PDE9A: variants seen among roughly 807,000 people sequenced by gnomAD.
PDE9A encodes high affinity cGMP-specific 3',5'-cyclic phosphodiesterase 9A.
PDE9A carries 60 observed loss-of-function variants against 87.4 expected under a neutral mutation model. The ratio of observed to expected loss-of-function variants is 0.69; its 90% CI spans 0.56 to 0.85. The LOEUF (loss-of-function observed/expected upper bound fraction) is 0.85, where lower values mean the gene tolerates loss of function less well. Among genes scored for constraint, PDE9A ranks in the 40% least tolerant of loss-of-function variants. PDE9A has a pLI of 0.00. For missense variants in PDE9A, 665 were observed against 779.0 expected, an observed-to-expected ratio of 0.85 and a Z score of 1.74; for synonymous variants, 272 against 279.4, an observed-to-expected ratio of 0.97 and a Z score of 0.27.
chr21:42,749,855 G>C (rs967036057), intron 8 of PDE9A, among the ~76,000 whole-genome samples: 1 of 152,226 alleles, frequency 6.6e-6, no homozygotes, highest in Non-Finnish European at 1.5e-5. Flanking sequence ...AAGTACAAAG[G>C]GGCTGGGCGC....
chr21:42,709,887 C>T (rs143591067), intron 4 of PDE9A, among the ~76,000 whole-genome samples: 132 of 152,298 alleles, frequency 8.7e-4, no homozygotes, highest in African/African-American at 2.9e-3. Context: ...AAGATCCATT[C>T]GTGCAGTTAT....
At chr21:42,683,626 T>G (rs13047502) in intron 1 of PDE9A, among the ~76,000 whole-genome samples, 3,674 of 152,316 alleles carry the variant, frequency 0.024, 72 homozygotes, top group South Asian at 0.048. Context: ...CCCAGGCCCA[T>G]GAGCCTGTTG....
intron 19 of PDE9A, among the ~76,000 whole-genome samples, chr21:42,774,972 C>T (rs1269405344): frequency 5.3e-5 from 8 of 149,978 alleles, no homozygotes; most frequent in Admixed American, 4.6e-4. Flanking sequence ...GACGGAGTCT[C>T]GCTCTGTTGC....
At chr21:42,766,398 C>A (rs1482971779) in intron 15 of PDE9A, among the ~76,000 whole-genome samples, 2 of 152,080 alleles carry the variant, frequency 1.3e-5, no homozygotes, top group Admixed American at 6.5e-5. Flanking sequence ...TTTTGTGGAG[C>A]CTTGTCTAAG....
chr21:42,731,633 G>A (rs1013908339), intron 4 of PDE9A, 137 bp from the exon 5 acceptor site: 4 of 887,780 alleles, frequency 4.5e-6, no homozygotes, highest in African/African-American at 1.7e-5. Context: ...GTGCAGACCC[G>A]CCGTGAGAAC....
At chr21:42,747,637 G>C (rs2054002212) in intron 8 of PDE9A, among the ~76,000 whole-genome samples, 1 of 152,248 alleles carries the variant, frequency 6.6e-6, no homozygotes, top group African/African-American at 2.4e-5. Context: ...CCTCAAAGAG[G>C]ACAGAGGTCC....
chr21:42,664,225 G>C (rs1242536991), intron 1 of PDE9A, among the ~76,000 whole-genome samples: 1 of 152,272 alleles, frequency 6.6e-6, no homozygotes, highest in East Asian at 1.9e-4. Flanking sequence ...GGGAGTCTTT[G>C]TGTTCGGCTC....
At chr21:42,690,646 C>T (rs1219631885) in intron 3 of PDE9A, among the ~76,000 whole-genome samples, 1 of 152,088 alleles carries the variant, frequency 6.6e-6, no homozygotes, top group Non-Finnish European at 1.5e-5. Context: ...CCCTCTGCCA[C>T]TGTTAGGTCC....
intron 16 of PDE9A, chr21:42,768,689 G>A (rs1357439406): frequency 1.0e-6 from 1 of 985,358 alleles, no homozygotes; most frequent in Admixed American, 6.1e-5. Flanking sequence ...AGAAAACCAA[G>A]CCAGCTGAAA....
rs369605541 is a variant in PDE9A at position 42,705,264 on chromosome 21, C to T, written c.262+6253C>T. On this transcript the variant is annotated intron_variant, in intron 4 of 19. Coordinates refer to ENST00000291539, the MANE Select transcript of PDE9A (RefSeq NM_002606.3). This position sits in a 1 kb window ranked among gnomAD's most constrained non-coding sequence, Gnocchi z 4.3. Reference sequence around the variant, plus strand: ...AAGGTAATAGCAACTACAAAAACCACGACACAGGCTTCTCAGCATCTTTTT... The same window carrying T: ...AAGGTAATAGCAACTACAAAAACCATGACACAGGCTTCTCAGCATCTTTTT... 1.6e-4 allele frequency among the ~76,000 whole-genome samples: 24 copies of T among 152,366 alleles called. No individual in the cohort carries two copies. The East Asian group carries it at 2.7e-3, about 17-fold the overall frequency.
intron 9 of PDE9A, among the ~76,000 whole-genome samples, chr21:42,753,432 G>A (rs1602473859): frequency 6.6e-6 from 1 of 152,268 alleles, no homozygotes; most frequent in East Asian, 1.9e-4. Flanking sequence ...GCGAGATATG[G>A]AACATTTCTG....
rs147111732 is a variant in PDE9A, at chr21:42,768,729, G to A, written c.1462-298G>A. The A allele has an allele frequency of 9.2e-3, 9,095 of 985,440 alleles. 58 individuals carry two copies. Among genetic ancestry groups the A allele is most frequent in the Non-Finnish European group, 0.01 (8,520 of 829,916 alleles). The allele number at this position is 985,440 out of a possible 1,614,324, so 61.0% of individuals were successfully genotyped here. ...CCACCAAATATTAATACAACAGCTT[G>A]ATGAACCCTAGGAGAAGTCGGGAGG... On this transcript the variant is annotated intron_variant, in intron 16 of 19. Coordinates refer to ENST00000291539, the MANE Select transcript of PDE9A (RefSeq NM_002606.3).
At chr21:42,728,451 G>A (rs185545289) in intron 4 of PDE9A, among the ~76,000 whole-genome samples, 1 of 152,300 alleles carries the variant, frequency 6.6e-6, no homozygotes, top group African/African-American at 2.4e-5. Context: ...TAGTTAATAT[G>A]ATCATGTAAT....
intron 8 of PDE9A, among the ~76,000 whole-genome samples, chr21:42,748,158 C>T (rs571721708): frequency 2.0e-4 from 31 of 152,290 alleles, no homozygotes; most frequent in African/African-American, 7.2e-4. Context: ...AGCACATGTG[C>T]GAATGTTTAC....
intron 16 of PDE9A, 142 bp downstream of exon 16, chr21:42,768,434 G>A: frequency 1.9e-6 from 2 of 1,062,356 alleles, no homozygotes; most frequent in East Asian, 5.3e-5. Flanking sequence ...AGCCTTCAGG[G>A]TAAGCGTACA....
intron 8 of PDE9A, among the ~76,000 whole-genome samples, chr21:42,747,174 G>A (rs1018101310): frequency 1.3e-5 from 2 of 152,194 alleles, no homozygotes; most frequent in South Asian, 2.1e-4. Context: ...TGAGATATTC[G>A]TGTTGTCCCT....
At chr21:42,732,475 TAGG>T (rs2051906391) in intron 6 of PDE9A, among the ~76,000 whole-genome samples, 1 of 152,232 alleles carries the variant, frequency 6.6e-6, no homozygotes, top group Non-Finnish European at 1.5e-5. Context: ...TCTGTGTAGT[TAGG>T]AGACTTCCTT....
rs996451591 is a variant in PDE9A at position 42,767,546 on chromosome 21, T to A, written c.1357-642T>A. ...ATGCAGACTCCGAGCTGAACTGAGCTGCTCCTCACCTAGTCACGTTCCCCA... is the reference window on the plus strand; with the variant it reads ...ATGCAGACTCCGAGCTGAACTGAGCAGCTCCTCACCTAGTCACGTTCCCCA... On this transcript the variant is annotated intron_variant, in intron 15 of 19. Transcript: ENST00000291539. Among the ~76,000 whole-genome samples, 5 of 151,020 alleles carry A rather than the reference T, an allele frequency of 3.3e-5. No homozygotes were observed. The East Asian group carries it at 9.7e-4, about 29-fold the overall frequency.
intron 1 of PDE9A, among the ~76,000 whole-genome samples, chr21:42,684,634 G>A (rs998654852): frequency 2.6e-5 from 4 of 152,258 alleles, no homozygotes; most frequent in Admixed American, 2.0e-4. Flanking sequence ...AGCCAGCAGA[G>A]TCCTGCAAAG....
Sources: gnomAD v4.1 joint callset for allele counts (sites outside exome capture counted in the v4.1 genomes callset) on GRCh38, gnomAD v4.1.1 for gene constraint, Gnocchi (gnomAD v3.1) non-coding constraint, MANE v1.5 for transcripts, NCBI Gene and HGNC (gene_info 2026-07-23, HGNC 2026-07-21) for gene names.